Variants in CTNND2 observed in about 807,000 individuals in gnomAD.
The protein encoded by CTNND2 is catenin delta 2.
In CTNND2, 22 loss-of-function variants were observed where a neutral mutation model predicts 144.4. The ratio of observed to expected loss-of-function variants is 0.15; its 90% CI spans 0.11 to 0.22. The LOEUF (loss-of-function observed/expected upper bound fraction) is 0.22. CTNND2 is among the 10% of genes least tolerant of loss of function. The pLI is 1.00. For missense variants in CTNND2, 1,353 were observed against 1,618.8 expected, an observed-to-expected ratio of 0.84 and a Z score of 2.82; for synonymous variants, 751 against 695.6, an observed-to-expected ratio of 1.08 and a Z score of -1.25.
chr5:11,206,947 T>C (rs1738109546), intron 10 of CTNND2, among the ~76,000 whole-genome samples: 1 of 152,210 alleles, frequency 6.6e-6, no homozygotes, highest in Non-Finnish European at 1.5e-5. Flanking sequence ...GATCTGTACA[T>C]ACAATCTGTT....
At chr5:11,826,809 T>C (rs1040553829) in intron 1 of CTNND2, among the ~76,000 whole-genome samples, 3 of 151,996 alleles carry the variant, frequency 2.0e-5, no homozygotes, top group African/African-American at 7.2e-5. Flanking sequence ...CATACAACAT[T>C]ATTCAAAATA....
At chr5:11,168,405 C>T (rs532578510) in intron 11 of CTNND2, among the ~76,000 whole-genome samples, 1 of 152,040 alleles carries the variant, frequency 6.6e-6, no homozygotes, top group South Asian at 2.1e-4. Flanking sequence ...TGGTAGTGGC[C>T]ATCTGTAAAA....
intron 16 of CTNND2, among the ~76,000 whole-genome samples, chr5:11,073,621 C>T (rs1748586590): frequency 1.3e-5 from 2 of 152,146 alleles, no homozygotes; most frequent in South Asian, 4.1e-4. Flanking sequence ...CTTCCCGACC[C>T]AGCTGCCAAA....
At chr5:11,505,930 C>T (rs968668247) in intron 3 of CTNND2, among the ~76,000 whole-genome samples, 5 of 152,116 alleles carry the variant, frequency 3.3e-5, no homozygotes, top group Non-Finnish European at 7.4e-5. Flanking sequence ...CGATGGCATC[C>T]ATTCATTGCT....
chr5:11,196,024 G>GT (rs953093624), intron 11 of CTNND2, among the ~76,000 whole-genome samples: 28 of 152,242 alleles, frequency 1.8e-4, no homozygotes, highest in African/African-American at 4.6e-4. Flanking sequence ...ACAGGGAGCT[G>GT]TTTTTTTCAG....
intron 18 of CTNND2, among the ~76,000 whole-genome samples, chr5:11,004,183 G>T (rs1170332432): frequency 6.6e-6 from 1 of 152,216 alleles, no homozygotes; most frequent in Non-Finnish European, 1.5e-5. Flanking sequence ...GACCATATCA[G>T]TCCTCTTACC....
intron 2 of CTNND2, among the ~76,000 whole-genome samples, chr5:11,616,872 G>A (rs558914842): frequency 1.3e-3 from 197 of 152,276 alleles, no homozygotes; most frequent in African/African-American, 4.6e-3. Context: ...CTCCCAAAGT[G>A]TTGGGATTAC....
chr5:11,208,546 A>T (rs1362287307), intron 10 of CTNND2, among the ~76,000 whole-genome samples: 1 of 152,218 alleles, frequency 6.6e-6, no homozygotes, highest in African/African-American at 2.4e-5. Flanking sequence ...GGATTTCATC[A>T]TGAAGCAGTA....
chr5:11,184,050 A>C (rs1275680584), intron 11 of CTNND2, among the ~76,000 whole-genome samples: 1 of 152,194 alleles, frequency 6.6e-6, no homozygotes, highest in Non-Finnish European at 1.5e-5. Flanking sequence ...AAAACCGCTA[A>C]AGTTAATGTC....
chr5:11,392,653 C>G (rs1026920601), intron 6 of CTNND2, among the ~76,000 whole-genome samples: 1 of 152,122 alleles, frequency 6.6e-6, no homozygotes, highest in Admixed American at 6.5e-5. Flanking sequence ...TAAAGCAAAG[C>G]AAGGAATAGG....
chr5:11,680,694 G>A (rs1025731477), intron 2 of CTNND2, among the ~76,000 whole-genome samples: 23 of 152,206 alleles, frequency 1.5e-4, no homozygotes, highest in African/African-American at 5.5e-4. Flanking sequence ...GCTGAAAAAA[G>A]AAAGAACCCA....
At chr5:10,993,013 C>T (rs1738880902) in intron 18 of CTNND2, among the ~76,000 whole-genome samples, 1 of 152,120 alleles carries the variant, frequency 6.6e-6, no homozygotes, top group South Asian at 2.1e-4. Flanking sequence ...CTATTTTTTG[C>T]CGACCTGGTT....
intron 3 of CTNND2, among the ~76,000 whole-genome samples, chr5:11,480,703 G>C (rs1173255240): frequency 2.7e-5 from 4 of 150,556 alleles, no homozygotes; most frequent in Non-Finnish European, 5.9e-5. Context: ...GGTTATAATA[G>C]AGTTTTTCTT....
chr5:11,130,560 C>G (rs912727877), intron 12 of CTNND2, among the ~76,000 whole-genome samples: 1 of 152,154 alleles, frequency 6.6e-6, no homozygotes, highest in Non-Finnish European at 1.5e-5. Flanking sequence ...TCCCATTGGG[C>G]TAAATTACAA....
chr5:11,293,616 T>C (rs902655526), intron 9 of CTNND2, among the ~76,000 whole-genome samples: 4 of 151,796 alleles, frequency 2.6e-5, no homozygotes, highest in Admixed American at 2.0e-4. Flanking sequence ...AAACATTTCG[T>C]TCACAGTTTA....
chr5:11,129,690 A>G (rs1018809367), intron 12 of CTNND2, among the ~76,000 whole-genome samples: 2 of 152,062 alleles, frequency 1.3e-5, no homozygotes, highest in African/African-American at 4.8e-5. Context: ...ATAGTGCTAC[A>G]GTTGGCATTC....
intron 3 of CTNND2, among the ~76,000 whole-genome samples, chr5:11,462,358 A>G (rs1581248237): frequency 2.6e-5 from 4 of 152,074 alleles, no homozygotes; most frequent in Admixed American, 2.6e-4. Flanking sequence ...TTCACTGTGG[A>G]TTTGACCTAT....
chr5:11,290,530 ATGAG>A (rs1748219712), intron 9 of CTNND2, among the ~76,000 whole-genome samples: 1 of 152,230 alleles, frequency 6.6e-6, no homozygotes. Context: ...TCATCCATAA[ATGAG>A]TGACCTCATA....
chr5:11,658,328 T>C (rs1424405756), intron 2 of CTNND2, among the ~76,000 whole-genome samples: 1 of 152,062 alleles, frequency 6.6e-6, no homozygotes, highest in East Asian at 1.9e-4. Context: ...GAGGAAAATA[T>C]AATTGCTAGC....
Sources: gnomAD v4.1 joint callset for allele counts (sites outside exome capture counted in the v4.1 genomes callset) on GRCh38, gnomAD v4.1.1 for gene constraint, MANE v1.5 for transcripts, NCBI Gene and HGNC (gene_info 2026-07-23, HGNC 2026-07-21) for gene names.